The following FHIP1A variants were observed in gnomAD, a reference collection of about 807,000 sequenced individuals.
FHIP1A encodes the protein FHF complex subunit HOOK interacting protein 1A.
Under a neutral mutation model 88.6 loss-of-function variants are expected in FHIP1A, and 61 were observed. That is an observed-to-expected ratio of 0.69 (90% CI 0.56 to 0.85). FHIP1A has a LOEUF of 0.85. FHIP1A is among the 40% of genes least tolerant of loss of function. The pLI, the probability that FHIP1A is intolerant of heterozygous loss-of-function variation, is 0.00. For missense variants in FHIP1A, 1,154 were observed against 1,273.5 expected (o/e 0.91, Z 1.43); for synonymous variants, 478 against 496.0 (o/e 0.96, Z 0.48).
chr4:151,587,789 C>CA (rs1385514234), intron 6 of FHIP1A, among the ~76,000 whole-genome samples: 1 of 151,900 alleles, frequency 6.6e-6, no homozygotes, highest in East Asian at 1.9e-4. Flanking sequence ...ATTGCTAAGT[C>CA]AAAGAAAGTT....
At chr4:151,512,395 C>T (rs1298544066) in intron 3 of FHIP1A, among the ~76,000 whole-genome samples, 3 of 152,340 alleles carry the variant, frequency 2.0e-5, no homozygotes, top group Non-Finnish European at 2.9e-5. Flanking sequence ...AGCAGAGCGC[C>T]GCTCCTCCTC....
chr4:151,479,208 G>A (rs975931315), intron 2 of FHIP1A, among the ~76,000 whole-genome samples: 21 of 152,036 alleles, frequency 1.4e-4, no homozygotes, highest in Admixed American at 1.2e-3. Flanking sequence ...CAGTATTACT[G>A]TGGGGCTTAG....
intron 7 of FHIP1A, among the ~76,000 whole-genome samples, chr4:151,623,962 C>T (rs938991867): frequency 1.3e-5 from 2 of 152,184 alleles, no homozygotes; most frequent in Admixed American, 6.5e-5. Flanking sequence ...CTTCTGCTTA[C>T]AACAGCAAAA....
chr4:151,473,418 T>C, intron 2 of FHIP1A, among the ~76,000 whole-genome samples: 1 of 151,624 alleles, frequency 6.6e-6, no homozygotes, highest in African/African-American at 2.4e-5. Context: ...GTCATTTTTC[T>C]TCTTAACTTT....
chr4:151,511,968 T>C (rs964589055), intron 3 of FHIP1A, among the ~76,000 whole-genome samples: 6 of 152,222 alleles, frequency 3.9e-5, no homozygotes, highest in African/African-American at 9.6e-5. Flanking sequence ...GATCTGAGAA[T>C]GGGCAGACTG....
chr4:151,411,667 A>G (rs1732651935), intron 1 of FHIP1A, among the ~76,000 whole-genome samples: 1 of 152,098 alleles, frequency 6.6e-6, no homozygotes, highest in South Asian at 2.1e-4. Context: ...TTACTTTCAT[A>G]AAGAAAATTT....
At chr4:151,455,205 T>TA (rs1728926637) in intron 2 of FHIP1A, among the ~76,000 whole-genome samples, 1 of 152,232 alleles carries the variant, frequency 6.6e-6, no homozygotes, top group African/African-American at 2.4e-5. Flanking sequence ...TTTGTACACT[T>TA]ACTGGTTTGA....
At chr4:151,596,599 T>G (rs1182406811) in intron 7 of FHIP1A, among the ~76,000 whole-genome samples, 4 of 152,218 alleles carry the variant, frequency 2.6e-5, no homozygotes, top group Non-Finnish European at 5.9e-5. Flanking sequence ...TTCATCTGGA[T>G]AATATCCTGA....
At chr4:151,511,541 G>T (rs1379618592) in intron 3 of FHIP1A, among the ~76,000 whole-genome samples, 3 of 152,228 alleles carry the variant, frequency 2.0e-5, no homozygotes, top group African/African-American at 4.8e-5. Context: ...TCAAAGAAAG[G>T]GGTGACAGAC....
rs1462537046 is a variant in FHIP1A, at chr4:151,619,354, T to C, written c.979-10348T>C. 3.9e-5 allele frequency among the ~76,000 whole-genome samples: 6 copies of C among 152,356 alleles called. No homozygotes were observed. The East Asian group carries it at 1.2e-3, about 29-fold the overall frequency. The stretch of plus-strand genomic sequence containing the variant: ...ACAGAAAAGCTAATAGAGAAGTTAG[T>C]CTGTCTAGTGTATATTTTTAAACAG... On this transcript the variant is annotated intron_variant, in intron 7 of 13. Coordinates refer to ENST00000435205, the MANE Select transcript of FHIP1A (RefSeq NM_001109977.3).
At chr4:151,453,044 T>TCTTG (rs1728849052) in intron 1 of FHIP1A, among the ~76,000 whole-genome samples, 1 of 150,888 alleles carries the variant, frequency 6.6e-6, no homozygotes, top group Non-Finnish European at 1.5e-5. Context: ...TGAGATGGAG[T>TCTTG]CTTGCTCTGT....
intron 1 of FHIP1A, among the ~76,000 whole-genome samples, chr4:151,437,983 TAA>T (rs1399809445): frequency 1.3e-5 from 2 of 152,208 alleles, no homozygotes; most frequent in African/African-American, 4.8e-5. Flanking sequence ...AGTAAAATCT[TAA>T]ATATCACATG....
At chr4:151,646,848 G>T in intron 10 of FHIP1A, 100 bp downstream of exon 10, 2 of 764,942 alleles carry the variant, frequency 2.6e-6, no homozygotes, top group Non-Finnish European at 2.1e-6. Context: ...TATGTGGTGG[G>T]TCCCATTTCT....
At chr4:151,591,609 TG>T (rs1734431449) in intron 7 of FHIP1A, among the ~76,000 whole-genome samples, 2 of 152,168 alleles carry the variant, frequency 1.3e-5, no homozygotes, top group African/African-American at 4.8e-5. Context: ...CCCTGGCCCC[TG>T]GCCCCCTGAC....
intron 1 of FHIP1A, among the ~76,000 whole-genome samples, chr4:151,414,762 A>G (rs1306710237): frequency 6.6e-6 from 1 of 152,208 alleles, no homozygotes; most frequent in Non-Finnish European, 1.5e-5. Context: ...TAAAAAGTTA[A>G]CACCCTTAAG....
chr4:151,495,824 A>G (rs1580632655), intron 3 of FHIP1A, among the ~76,000 whole-genome samples: 1 of 151,834 alleles, frequency 6.6e-6, no homozygotes, highest in Non-Finnish European at 1.5e-5. Flanking sequence ...GGGTTTTGCC[A>G]TTTGGCCAGG....
chr4:151,656,981 C>A lies in FHIP1A; in HGVS notation c.2869+83C>A. 7.5e-7 allele frequency: 1 copy of A among 1,334,280 alleles called. No individual in the cohort carries two copies. Among genetic ancestry groups the A allele is most frequent in the Non-Finnish European group, 1.0e-6 (1 of 986,682 alleles). 82.7% of individuals were successfully genotyped at this position (1,334,280 alleles called of 1,614,324 possible). Reference sequence around the variant, plus strand: ...TACTGGCCTCAGTTCACAGATGCTGCACTGGCTTCTGGATCCTAGAAGCAT... The same window carrying A: ...TACTGGCCTCAGTTCACAGATGCTGAACTGGCTTCTGGATCCTAGAAGCAT... On this transcript the variant is annotated intron_variant, in intron 13 of 13. Coordinates refer to ENST00000435205, the MANE Select transcript of FHIP1A (RefSeq NM_001109977.3). The surrounding 1 kb of genome is among the most constrained non-coding windows in gnomAD (Gnocchi z 4.2).
intron 4 of FHIP1A, among the ~76,000 whole-genome samples, chr4:151,566,636 C>T (rs1474812367): frequency 6.6e-6 from 1 of 152,126 alleles, no homozygotes; most frequent in Non-Finnish European, 1.5e-5. Context: ...TTTAAAGTGA[C>T]TTTTATATCG....
chr4:151,423,889 A>G (rs771403805), intron 1 of FHIP1A, among the ~76,000 whole-genome samples: 5 of 152,210 alleles, frequency 3.3e-5, no homozygotes, highest in Admixed American at 6.5e-5. Flanking sequence ...ACTGTGGTCA[A>G]ACTCTTCAAG....
Sources: gnomAD v4.1 joint callset for allele counts (sites outside exome capture counted in the v4.1 genomes callset) on GRCh38, gnomAD v4.1.1 for gene constraint, Gnocchi (gnomAD v3.1) non-coding constraint, MANE v1.5 for transcripts, NCBI Gene and HGNC (gene_info 2026-07-23, HGNC 2026-07-21) for gene names.